Variants in RBFOX1 observed in about 807,000 individuals in gnomAD.
RBFOX1 encodes RNA binding protein fox-1 homolog 1.
A neutral mutation model predicts 57.7 loss-of-function variants in RBFOX1; 8 were observed. That is an observed-to-expected ratio of 0.14 (90% CI 0.08 to 0.25). The LOEUF (loss-of-function observed/expected upper bound fraction) is 0.25. RBFOX1 is among the 10% of genes least tolerant of loss of function. The probability of loss-of-function intolerance (pLI) is 1.00; values close to 1 mark genes in which losing one functional copy is unlikely to be tolerated. For synonymous variants in RBFOX1, 326 were observed against 222.4 expected (o/e 1.47, Z -4.15); for missense variants, 611 against 548.5 (o/e 1.11, Z -1.14).
chr16:7,609,134 G>C (rs543500957), intron 10 of RBFOX1, among the ~76,000 whole-genome samples: 2 of 152,200 alleles, frequency 1.3e-5, no homozygotes, highest in Non-Finnish European at 2.9e-5. Context: ...CCCATGAATG[G>C]AGTAGTTAGA....
intron 4 of RBFOX1, among the ~76,000 whole-genome samples, chr16:7,412,830 C>G (rs1220678466): frequency 5.9e-5 from 9 of 152,254 alleles, no homozygotes; most frequent in African/African-American, 1.9e-4. Context: ...ACTGCGAGGT[C>G]AGGAGATCGA....
intron 4 of RBFOX1, among the ~76,000 whole-genome samples, chr16:5,944,315 G>T (rs1166109606): frequency 1.3e-5 from 2 of 152,200 alleles, no homozygotes; most frequent in Non-Finnish European, 1.5e-5. Context: ...CGGCTTTTGA[G>T]GTTCTGAACG....
chr16:7,480,137 C>A (rs903188735), intron 4 of RBFOX1, among the ~76,000 whole-genome samples: 4 of 152,174 alleles, frequency 2.6e-5, no homozygotes, highest in Admixed American at 6.5e-5. Flanking sequence ...TCTTGTTAAG[C>A]CTGTGTGTCT....
chr16:7,359,107 G>T (rs1022608352), intron 4 of RBFOX1, among the ~76,000 whole-genome samples: 1 of 152,120 alleles, frequency 6.6e-6, no homozygotes, highest in South Asian at 2.1e-4. Context: ...GAAAACTGTG[G>T]GTGAGTTAAA....
At chr16:6,476,784 G>A (rs2095279852) in intron 2 of RBFOX1, among the ~76,000 whole-genome samples, 1 of 152,146 alleles carries the variant, frequency 6.6e-6, no homozygotes, top group African/African-American at 2.4e-5. Context: ...AGCACCTGAT[G>A]CTGTTTGACA....
intron 4 of RBFOX1, among the ~76,000 whole-genome samples, chr16:7,307,166 C>G (rs1467725641): frequency 6.6e-6 from 1 of 152,192 alleles, no homozygotes; most frequent in African/African-American, 2.4e-5. Flanking sequence ...GAGCATTTAT[C>G]ATTTTGTTTT....
At chr16:5,423,208 C>T (rs1567486659) in intron 1 of RBFOX1, among the ~76,000 whole-genome samples, 1 of 151,958 alleles carries the variant, frequency 6.6e-6, no homozygotes, top group Non-Finnish European at 1.5e-5. Flanking sequence ...GAATATTTTC[C>T]TCCGCTTCCC....
chr16:6,939,910 C>T (rs537446993), intron 3 of RBFOX1, among the ~76,000 whole-genome samples: 6 of 152,128 alleles, frequency 3.9e-5, no homozygotes, highest in Admixed American at 6.6e-5. Flanking sequence ...TCCATAAATG[C>T]ATAATTTAAT....
intron 3 of RBFOX1, among the ~76,000 whole-genome samples, chr16:5,821,718 C>T (rs2055864356): frequency 6.6e-6 from 1 of 152,170 alleles, no homozygotes; most frequent in African/African-American, 2.4e-5. Context: ...CATTAATTTT[C>T]TCGTAGTTCT....
At chr16:6,992,863 A>G (rs1039733659) in intron 3 of RBFOX1, among the ~76,000 whole-genome samples, 18 of 143,686 alleles carry the variant, frequency 1.3e-4, no homozygotes, top group African/African-American at 4.4e-4. Flanking sequence ...AAGATTTGTG[A>G]TACTTCAATA....
intron 3 of RBFOX1, among the ~76,000 whole-genome samples, chr16:6,894,649 C>G (rs758377496): frequency 1.6e-4 from 24 of 152,180 alleles, no homozygotes; most frequent in Admixed American, 1.0e-3. Context: ...CACTTTATAA[C>G]AGCAGGCTAG....
At chr16:7,478,000 C>T (rs866460277) in intron 4 of RBFOX1, among the ~76,000 whole-genome samples, 1 of 152,294 alleles carries the variant, frequency 6.6e-6, no homozygotes, top group Admixed American at 6.5e-5. Context: ...ATTTGAATTC[C>T]TCCTTCTCTC....
At chr16:7,111,690 T>A (rs1195834445) in intron 4 of RBFOX1, among the ~76,000 whole-genome samples, 1 of 152,160 alleles carries the variant, frequency 6.6e-6, no homozygotes, top group African/African-American at 2.4e-5. Flanking sequence ...AAACTACTTC[T>A]GGGGAAGATG....
At chr16:5,610,015 CTTCTT>C (rs2047718546) in intron 3 of RBFOX1, among the ~76,000 whole-genome samples, 1 of 152,202 alleles carries the variant, frequency 6.6e-6, no homozygotes, top group South Asian at 2.1e-4. Context: ...TAGCACCCTT[CTTCTT>C]TTCTTTGCTT....
chr16:5,573,091 C>T (rs774829941), intron 2 of RBFOX1, among the ~76,000 whole-genome samples: 73 of 152,132 alleles, frequency 4.8e-4, no homozygotes, highest in African/African-American at 1.6e-3. Context: ...TGCCCTGGAT[C>T]GGATGGTGGG....
chr16:6,210,360 CCA>C (rs1567684440), intron 1 of RBFOX1, among the ~76,000 whole-genome samples: 276 of 27,350 alleles, frequency 0.01, 5 homozygotes, highest in Non-Finnish European at 0.013. Flanking sequence ...AAAAAAAACA[CCA>C]AAAAAAAAAA....
intron 3 of RBFOX1, among the ~76,000 whole-genome samples, chr16:5,738,635 GAAAAA>G (rs61011633): frequency 1.6e-5 from 1 of 61,192 alleles, no homozygotes; most frequent in East Asian, 4.7e-4. Context: ...CTCTGTCTCA[GAAAAA>G]AAAAAAAAAA....
intron 2 of RBFOX1, among the ~76,000 whole-genome samples, chr16:5,534,873 C>G (rs532270694): frequency 1.8e-4 from 27 of 152,116 alleles, no homozygotes; most frequent in Non-Finnish European, 3.1e-4. Context: ...TTATTAAACA[C>G]AAGAAAGATG....
At chr16:6,966,104 A>C (rs1172413652) in intron 3 of RBFOX1, among the ~76,000 whole-genome samples, 1 of 152,160 alleles carries the variant, frequency 6.6e-6, no homozygotes, top group African/African-American at 2.4e-5. Flanking sequence ...GTTCTCAACC[A>C]TAGACTGGGG....
Sources: allele counts gnomAD v4.1 joint callset (sites outside exome capture counted in the v4.1 genomes callset), GRCh38; gene constraint gnomAD v4.1.1; transcripts MANE v1.5; gene names NCBI Gene and HGNC (gene_info 2026-07-23, HGNC 2026-07-21).